Variants in DOCK5 observed in about 807,000 individuals in gnomAD.
DOCK5 encodes dedicator of cytokinesis protein 5.
DOCK5 carries 142 observed loss-of-function variants against 251.8 expected under a neutral mutation model. The observed-to-expected ratio is 0.56, with a 90% confidence interval of 0.49 to 0.65. The LOEUF (loss-of-function observed/expected upper bound fraction) is 0.65, where lower values mean the gene tolerates loss of function less well. Among genes scored for constraint, DOCK5 ranks in the 30% least tolerant of loss-of-function variants. The pLI, the probability that DOCK5 is intolerant of heterozygous loss-of-function variation, is 0.00. For synonymous variants in DOCK5, 842 were observed against 835.5 expected (o/e 1.01, Z -0.13); for missense variants, 2,111 against 2,312.3 (o/e 0.91, Z 1.79).
intron 5 of DOCK5, among the ~76,000 whole-genome samples, chr8:25,288,232 T>C (rs1347520629): frequency 6.6e-6 from 1 of 152,152 alleles, no homozygotes; most frequent in East Asian, 1.9e-4. Context: ...TCACCTGTCC[T>C]CATATGCTTC....
Position 25,308,769 on chromosome 8 carries a change from T to G in DOCK5, c.1050-14T>G, listed in dbSNP as rs1441038630. On this transcript the variant is annotated splice_polypyrimidine_tract_variant and intron_variant, in intron 11 of 51. Coordinates refer to ENST00000276440, the MANE Select transcript of DOCK5 (RefSeq NM_024940.8). ...CTCCCCCTCCCACCTTACCTCTTAT[T>G]TCTCTTTCCCAAGAATTGCGATGGA... is the stretch of plus-strand genomic sequence containing the variant. 1 of 1,613,244 alleles carries G rather than the reference T, an allele frequency of 6.2e-7. No individual in the cohort carries two copies. The highest frequency in any genetic ancestry group is 8.5e-7 in the Non-Finnish European group (1 of 1,179,236).
Position 25,408,032 on chromosome 8 carries a change from G to A in DOCK5, c.5143G>A (p.Val1715Ile), listed in dbSNP as rs753075556. The A allele has an allele frequency of 6.2e-7, 1 of 1,612,468 alleles. No individual in the cohort carries two copies. Among genetic ancestry groups the A allele is most frequent in the Non-Finnish European group, 8.5e-7 (1 of 1,179,286 alleles). Residue 1715 changes from valine (V) to isoleucine (I), a missense_variant, in exon 49 of 52, where the codon GTT becomes ATT. This residue lies in a region of DOCK5 where 1,717 missense variants were observed against 1,892.4 expected (regional missense o/e 0.91). Coordinates refer to ENST00000276440, the MANE Select transcript of DOCK5 (RefSeq NM_024940.8). ...LERRASSGAR[V>I]EDLSLREENS... ...GCGCAGGGCCTCGTCAGGTGCCAGA[G>A]TTGAAGATCTGTCCCTTAGAGAGGA...
chr8:25,391,197 CTGTGTGTGTGTG>C (rs760981712), intron 42 of DOCK5, among the ~76,000 whole-genome samples: 637 of 22,878 alleles, frequency 0.028, 5 homozygotes, highest in South Asian at 0.032. Context: ...ACCACCACAC[CTGTGTGTGTGTG>C]TGTGTGTGTG....
intron 22 of DOCK5, 85 bp from the exon 23 acceptor site, chr8:25,340,792 G>A: frequency 1.9e-6 from 2 of 1,047,284 alleles, no homozygotes; most frequent in Non-Finnish European, 2.9e-6. Flanking sequence ...ATACGATGAA[G>A]GAGAAGTGAG....
At chr8:25,408,207 C>T in intron 49 of DOCK5, 53 bp downstream of exon 49, 1 of 1,511,144 alleles carries the variant, frequency 6.6e-7, no homozygotes, top group East Asian at 2.5e-5. Flanking sequence ...CCCCCTCTCC[C>T]CTGTACCCAG....
chr8:25,379,975 A>C (rs1243385159), intron 38 of DOCK5, among the ~76,000 whole-genome samples: 2 of 152,180 alleles, frequency 1.3e-5, no homozygotes, highest in Non-Finnish European at 2.9e-5. Flanking sequence ...CTGGGCTGGC[A>C]GAGCTTCCTC....
At chr8:25,301,932 A>G (rs1447790638) in intron 9 of DOCK5, among the ~76,000 whole-genome samples, 1 of 152,186 alleles carries the variant, frequency 6.6e-6, no homozygotes, top group Non-Finnish European at 1.5e-5. Context: ...AATAAATGTC[A>G]GTGTTACACA....
chr8:25,221,394 C>T (rs949594521), intron 1 of DOCK5, among the ~76,000 whole-genome samples: 9 of 152,116 alleles, frequency 5.9e-5, no homozygotes, highest in African/African-American at 1.7e-4. Context: ...CTGCAACCTC[C>T]GTCTCCTGGG....
chr8:25,232,843 C>T (rs949073910), intron 1 of DOCK5, among the ~76,000 whole-genome samples: 2 of 152,102 alleles, frequency 1.3e-5, no homozygotes, highest in Non-Finnish European at 2.9e-5. Context: ...AGCCCAGTAC[C>T]CTCATATTCC....
intron 10 of DOCK5, among the ~76,000 whole-genome samples, chr8:25,303,217 C>T (rs1018926480): frequency 3.3e-5 from 5 of 152,124 alleles, no homozygotes; most frequent in Admixed American, 1.3e-4. Flanking sequence ...TGGCACTGCC[C>T]GTTTTCTTTG....
intron 8 of DOCK5, among the ~76,000 whole-genome samples, chr8:25,300,323 A>G (rs1804729434): frequency 1.3e-5 from 2 of 152,346 alleles, no homozygotes; most frequent in South Asian, 4.1e-4. Context: ...CACCAGGAGC[A>G]GTGGGTTTCC....
chr8:25,388,495 A>G (rs903317999), intron 40 of DOCK5, among the ~76,000 whole-genome samples: 1 of 152,192 alleles, frequency 6.6e-6, no homozygotes, highest in Non-Finnish European at 1.5e-5. Flanking sequence ...AGTGGAGAAA[A>G]TAGTATTTAA....
intron 20 of DOCK5, 28 bp downstream of exon 20, chr8:25,332,720 T>A: frequency 6.5e-7 from 1 of 1,538,922 alleles, no homozygotes; most frequent in Non-Finnish European, 8.9e-7. Context: ...TTAACTAGTG[T>A]TTATTGTTGC....
chr8:25,203,859 T>A (rs1801937619), intron 1 of DOCK5, among the ~76,000 whole-genome samples: 1 of 152,222 alleles, frequency 6.6e-6, no homozygotes, highest in South Asian at 2.1e-4. Flanking sequence ...TGTGGAGGCA[T>A]TAGCTAACAG....
intron 43 of DOCK5, 65 bp downstream of exon 43, chr8:25,392,045 T>C: frequency 1.3e-6 from 2 of 1,481,692 alleles, no homozygotes; most frequent in South Asian, 1.2e-5. Context: ...GGCTCACGCC[T>C]GTAATCCCAG....
chr8:25,408,061 C>A lies in DOCK5; in HGVS notation c.5172C>A (p.Asn1724Lys). 6.2e-7 allele frequency: 1 copy of A among 1,609,240 alleles called. No homozygotes were observed. Among genetic ancestry groups the A allele is most frequent in the Non-Finnish European group, 8.5e-7 (1 of 1,177,800 alleles). ...AAGATCTGTCCCTTAGAGAGGAGAA[C>A]AGCGAGAACCGGATCAGCAAGTTTA... ...RVEDLSLREE[N>K]SENRISKFKR... Residue 1724 changes from asparagine to lysine, a missense_variant, in exon 49 of 52, where the codon AAC becomes AAA. By Grantham distance (94) the Asn-to-Lys change is moderately conservative. Around this residue, in one of 3 missense-constraint regions of DOCK5, gnomAD observed 1,717 missense variants for 1,892.4 expected, o/e 0.91. Coordinates refer to ENST00000276440, the MANE Select transcript of DOCK5 (RefSeq NM_024940.8).
chr8:25,192,282 A>G (rs1238727505), intron 1 of DOCK5, among the ~76,000 whole-genome samples: 1 of 152,136 alleles, frequency 6.6e-6, no homozygotes, highest in Non-Finnish European at 1.5e-5. Context: ...TTGGGTATAT[A>G]CCCAGTAATG....
chr8:25,259,145 A>G (rs1402456715), intron 2 of DOCK5, among the ~76,000 whole-genome samples: 1 of 152,328 alleles, frequency 6.6e-6, no homozygotes, highest in Middle Eastern at 3.4e-3. Flanking sequence ...GAATGAATGC[A>G]TGAATGAATA....
At chr8:25,377,622 G>T (rs918912044) in intron 38 of DOCK5, among the ~76,000 whole-genome samples, 198 bp downstream of exon 38, 1 of 152,190 alleles carries the variant, frequency 6.6e-6, no homozygotes, top group Non-Finnish European at 1.5e-5. Flanking sequence ...GGGCAACTGG[G>T]TATACATCTG....
Sources: allele counts gnomAD v4.1 joint callset (sites outside exome capture counted in the v4.1 genomes callset), GRCh38; gene constraint gnomAD v4.1.1; regional missense constraint gnomAD v4.1.1; transcripts MANE v1.5; gene names NCBI Gene and HGNC (gene_info 2026-07-23, HGNC 2026-07-21).